Variants in NEGR1 observed in about 807,000 individuals in gnomAD.
NEGR1 encodes the protein neuronal growth regulator 1.
Under a neutral mutation model 40.9 loss-of-function variants are expected in NEGR1, and 10 were observed. That is an observed-to-expected ratio of 0.24 (90% CI 0.15 to 0.42). The LOEUF is 0.42. Ranked by LOEUF, NEGR1 falls within the 10% of genes least tolerant of loss-of-function variation. The pLI is 1.00. For missense variants in NEGR1, 352 were observed against 438.9 expected (o/e 0.80, Z 1.77); for synonymous variants, 185 against 166.8 (o/e 1.11, Z -0.84).
At chr1:72,230,192 A>G (rs1422329962) in intron 1 of NEGR1, among the ~76,000 whole-genome samples, 1 of 152,168 alleles carries the variant, frequency 6.6e-6, no homozygotes, top group Non-Finnish European at 1.5e-5. Context: ...TATCTCCCTC[A>G]CAAATTCTAA....
chr1:71,541,165 A>G (rs111287249), intron 6 of NEGR1, among the ~76,000 whole-genome samples: 6 of 151,838 alleles, frequency 4.0e-5, no homozygotes, highest in African/African-American at 1.4e-4. Context: ...GGTCTCTGCC[A>G]TAAACTAGCT....
chr1:71,777,036 G>A (rs1656538333), intron 2 of NEGR1, among the ~76,000 whole-genome samples: 1 of 152,080 alleles, frequency 6.6e-6, no homozygotes, highest in Non-Finnish European at 1.5e-5. Context: ...TGATGTATTA[G>A]ACTAGAGAAG....
intron 6 of NEGR1, chr1:71,573,370 T>C (rs1047254165): frequency 6.6e-6 from 1 of 152,232 alleles, no homozygotes; most frequent in Non-Finnish European, 1.5e-5. Flanking sequence ...CAATGTTGAT[T>C]TTAGGCTAAT....
At chr1:72,220,127 C>T (rs1408753865) in intron 1 of NEGR1, among the ~76,000 whole-genome samples, 1 of 151,892 alleles carries the variant, frequency 6.6e-6, no homozygotes, top group Admixed American at 6.6e-5. Flanking sequence ...TATTTTAAAA[C>T]ATGTAACAAC....
chr1:71,555,031 A>G (rs1648210904), intron 6 of NEGR1, among the ~76,000 whole-genome samples: 1 of 151,518 alleles, frequency 6.6e-6, no homozygotes, highest in Admixed American at 6.6e-5. Context: ...CCTCCAATAA[A>G]TGGGTAGTTG....
At chr1:71,631,861 C>G (rs1650981340) in intron 4 of NEGR1, among the ~76,000 whole-genome samples, 1 of 151,610 alleles carries the variant, frequency 6.6e-6, no homozygotes, top group South Asian at 2.1e-4. Context: ...TGAAAAATTT[C>G]TAAATATGCA....
At chr1:71,551,652 A>T (rs1356413824) in intron 6 of NEGR1, among the ~76,000 whole-genome samples, 1 of 151,570 alleles carries the variant, frequency 6.6e-6, no homozygotes, top group Admixed American at 6.6e-5. Context: ...GACATTGCTA[A>T]TCAATCACAG....
At chr1:72,220,989 T>A (rs757679272) in intron 1 of NEGR1, among the ~76,000 whole-genome samples, 27 of 150,956 alleles carry the variant, frequency 1.8e-4, no homozygotes, top group Non-Finnish European at 3.4e-4. Context: ...TACCATAATC[T>A]AGGTGGCTTA....
chr1:71,978,053 G>A (rs1005058591), intron 1 of NEGR1, among the ~76,000 whole-genome samples: 1 of 152,142 alleles, frequency 6.6e-6, no homozygotes, highest in Non-Finnish European at 1.5e-5. Context: ...TGCAAGAGCT[G>A]CATTATCAAA....
intron 6 of NEGR1, among the ~76,000 whole-genome samples, chr1:71,527,798 A>C: frequency 6.6e-6 from 1 of 151,360 alleles, no homozygotes; most frequent in Admixed American, 6.6e-5. Flanking sequence ...ATCCTATTTC[A>C]ATTACCATAG....
intron 3 of NEGR1, among the ~76,000 whole-genome samples, chr1:71,772,628 T>C (rs1656368639): frequency 6.6e-6 from 1 of 152,212 alleles, no homozygotes; most frequent in Non-Finnish European, 1.5e-5. Flanking sequence ...AATAAACGTA[T>C]GATACCAATG....
At chr1:71,908,836 C>A (rs1285430293) in intron 2 of NEGR1, among the ~76,000 whole-genome samples, 2 of 151,986 alleles carry the variant, frequency 1.3e-5, no homozygotes, top group South Asian at 2.1e-4. Flanking sequence ...AACTACTTCC[C>A]GTGTTATTTT....
intron 2 of NEGR1, among the ~76,000 whole-genome samples, chr1:71,928,455 T>TAC (rs1185529241): frequency 7.3e-6 from 1 of 137,608 alleles, no homozygotes; most frequent in East Asian, 2.1e-4. Flanking sequence ...TATGTATATA[T>TAC]ACACACATAC....
At chr1:72,098,292 A>C (rs1435134961) in intron 1 of NEGR1, among the ~76,000 whole-genome samples, 1 of 152,178 alleles carries the variant, frequency 6.6e-6, no homozygotes, top group Non-Finnish European at 1.5e-5. Context: ...CTGGAAAAAA[A>C]AATTTAAAAC....
chr1:72,186,792 T>C (rs772388680), intron 1 of NEGR1, among the ~76,000 whole-genome samples: 8 of 151,600 alleles, frequency 5.3e-5, no homozygotes, highest in African/African-American at 9.7e-5. Flanking sequence ...ACTTTGAGAA[T>C]TCAATGAGGT....
intron 1 of NEGR1, among the ~76,000 whole-genome samples, chr1:71,950,866 T>C (rs1236083170): frequency 6.6e-6 from 1 of 151,984 alleles, no homozygotes; most frequent in Non-Finnish European, 1.5e-5. Context: ...ATGGATACCA[T>C]ACGATATATA....
chr1:71,981,411 T>C lies in NEGR1; in HGVS notation c.177-46100A>G, dbSNP rs1361528400. 5.9e-5 allele frequency among the ~76,000 whole-genome samples: 9 copies of C among 152,158 alleles called. No individual in the cohort carries two copies. In the East Asian group the frequency reaches 9.7e-4, roughly 16 times the overall value. On this transcript the variant is annotated intron_variant, in intron 1 of 6. Coordinates refer to ENST00000357731, the MANE Select transcript of NEGR1 (RefSeq NM_173808.3). ...AGGAAGACTAGCTCTGCTTTACTCA[T>C]GTGCTGGGTGGAAAGCTGAGTTCCA...
chr1:71,515,624 C>CA (rs1364909968), intron 6 of NEGR1, among the ~76,000 whole-genome samples: 7 of 87,748 alleles, frequency 8.0e-5, no homozygotes, highest in African/African-American at 4.1e-4. Flanking sequence ...AAAATCATGC[C>CA]AAAATGTAAA....
At chr1:72,259,257 T>C (rs2100542864) in intron 1 of NEGR1, among the ~76,000 whole-genome samples, 2 of 152,268 alleles carry the variant, frequency 1.3e-5, no homozygotes, top group South Asian at 4.1e-4. Flanking sequence ...TCAGTCGACA[T>C]TAATTCAGGC....
Sources: gnomAD v4.1 joint callset for allele counts (sites outside exome capture counted in the v4.1 genomes callset) on GRCh38, gnomAD v4.1.1 for gene constraint, MANE v1.5 for transcripts, NCBI Gene and HGNC (gene_info 2026-07-23, HGNC 2026-07-21) for gene names.